PTPRN2: variants seen among roughly 807,000 people sequenced by gnomAD.
PTPRN2 encodes protein tyrosine phosphatase receptor type N2, also known as receptor-type tyrosine-protein phosphatase N2.
PTPRN2 carries 74 observed loss-of-function variants against 118.8 expected under a neutral mutation model. The ratio of observed to expected loss-of-function variants is 0.62; its 90% confidence interval spans 0.52 to 0.76. The LOEUF (loss-of-function observed/expected upper bound fraction) is 0.76. PTPRN2 is among the 30% of genes least tolerant of loss of function. The pLI, the probability that PTPRN2 is intolerant of heterozygous loss-of-function variation, is 0.00. For missense variants in PTPRN2, 1,481 were observed against 1,394.4 expected (o/e 1.06, Z -0.99); for synonymous variants, 641 against 608.0 (o/e 1.05, Z -0.80).
At chr7:158,520,221 CAG>C (rs1439984674) in intron 1 of PTPRN2, among the ~76,000 whole-genome samples, 2 of 152,188 alleles carry the variant, frequency 1.3e-5, no homozygotes, top group Non-Finnish European at 2.9e-5. Flanking sequence ...CTAAGAAAAA[CAG>C]AGTTTGGGAT....
chr7:157,583,883 AACACAC>A lies in PTPRN2; in HGVS notation c.2497-5749_2497-5744del, dbSNP rs35071475. Reference sequence around the variant, plus strand: ...GGTGACAGAGCGAGACTCTGTCTCAAACACACACACACACACACACACACACACACA... The same window carrying A: ...GGTGACAGAGCGAGACTCTGTCTCAAACACACACACACACACACACACACA... On this transcript the variant is annotated intron_variant, in intron 17 of 22. Coordinates refer to ENST00000389418, the MANE Select transcript of PTPRN2 (RefSeq NM_002847.5). The surrounding 1 kb of genome is among the most constrained non-coding windows in gnomAD (Gnocchi z 5.5). 0.17 allele frequency among the ~76,000 whole-genome samples: 22,425 copies of A among 134,028 alleles called. 1,853 individuals are homozygous for A. Among genetic ancestry groups the A allele is most frequent in the Non-Finnish European group, 0.18 (11,487 of 62,882 alleles). 87.9% of individuals were successfully genotyped at this position (134,028 alleles called of 152,430 possible). A position where few individuals can be genotyped will look rare whatever the true frequency, so the allele number is the denominator to read the frequency against.
chr7:157,646,034 A>T (rs1563296983), intron 14 of PTPRN2, among the ~76,000 whole-genome samples: 1 of 152,244 alleles, frequency 6.6e-6, no homozygotes, highest in Non-Finnish European at 1.5e-5. Context: ...CTTTCAGGGA[A>T]GAGAGTGGAG....
intron 2 of PTPRN2, among the ~76,000 whole-genome samples, chr7:158,480,294 G>C (rs1820563236): frequency 6.6e-6 from 1 of 152,122 alleles, no homozygotes; most frequent in Non-Finnish European, 1.5e-5. Flanking sequence ...TGGTGTTACT[G>C]TCATTGTTTT....
chr7:157,961,389 TG>T (rs1801523166), intron 11 of PTPRN2, among the ~76,000 whole-genome samples: 2 of 151,850 alleles, frequency 1.3e-5, no homozygotes, highest in Admixed American at 1.3e-4. Flanking sequence ...AAAAATTAGC[TG>T]GGCATGGTGG....
chr7:157,554,599 A>G (rs1157235545), intron 21 of PTPRN2, among the ~76,000 whole-genome samples: 2 of 152,214 alleles, frequency 1.3e-5, no homozygotes, highest in Non-Finnish European at 2.9e-5. Flanking sequence ...GAAAAATCCA[A>G]TTTTGCTGAC....
In PTPRN2 at chr7:158,053,583, C is replaced by T. The variant is rs116015424; in HGVS notation, c.1723+27715G>A. ...TTTCCTGGTGTGTTTTATAAACACA[C>T]GTAAAGAGGTTCAATAGGTTTAATG... On this transcript the variant is annotated intron_variant, in intron 11 of 22. Coordinates refer to ENST00000389418, the MANE Select transcript of PTPRN2 (RefSeq NM_002847.5). Among the ~76,000 whole-genome samples the T allele has an allele frequency of 7.7e-3, 1,169 of 152,174 alleles. 11 individuals carry two copies. The highest frequency in any genetic ancestry group is 0.026 in the African/African-American group (1,061 of 41,502).
intron 12 of PTPRN2, among the ~76,000 whole-genome samples, chr7:157,732,169 G>A (rs1585328749): frequency 2.1e-5 from 2 of 94,622 alleles, no homozygotes; most frequent in Non-Finnish European, 2.2e-5. Flanking sequence ...CCCGTCCCAT[G>A]CGCCCAGCAC....
At chr7:158,142,641 C>A (rs1326786085) in intron 6 of PTPRN2, among the ~76,000 whole-genome samples, 2 of 152,184 alleles carry the variant, frequency 1.3e-5, no homozygotes, top group African/African-American at 2.4e-5. Flanking sequence ...GGCCCACCAA[C>A]CCCCACACAT....
At chr7:157,558,532 A>T (rs1799020473) in intron 21 of PTPRN2, among the ~76,000 whole-genome samples, 1 of 152,270 alleles carries the variant, frequency 6.6e-6, no homozygotes, top group Non-Finnish European at 1.5e-5. Context: ...AATATTGAAC[A>T]GGTGGAGGAG....
intron 22 of PTPRN2, among the ~76,000 whole-genome samples, chr7:157,542,957 G>A (rs893954182): frequency 2.0e-5 from 3 of 152,138 alleles, no homozygotes; most frequent in Admixed American, 1.3e-4. Context: ...TGCATGCGGC[G>A]CCGGGATGTA....
intron 2 of PTPRN2, among the ~76,000 whole-genome samples, chr7:158,367,456 G>A (rs1410817310): frequency 6.6e-6 from 1 of 152,210 alleles, no homozygotes; most frequent in Non-Finnish European, 1.5e-5. Context: ...TCATGGGCAG[G>A]AGGACGCAGT....
intron 3 of PTPRN2, among the ~76,000 whole-genome samples, chr7:158,312,568 AAC>A (rs1169404011): frequency 2.0e-5 from 3 of 149,896 alleles, no homozygotes; most frequent in African/African-American, 7.4e-5. Flanking sequence ...CCACACGCAA[AAC>A]CTCCCTACTC....
chr7:157,849,223 C>T (rs146449446), intron 12 of PTPRN2, among the ~76,000 whole-genome samples: 2,582 of 152,314 alleles, frequency 0.017, 31 homozygotes, highest in Middle Eastern at 0.031. Context: ...ACTGTTCCCA[C>T]CGAAGAGGCA....
intron 3 of PTPRN2, among the ~76,000 whole-genome samples, chr7:158,312,280 ACG>A (rs1563120077): frequency 7.1e-6 from 1 of 141,416 alleles, no homozygotes. Flanking sequence ...ACATGTAGAC[ACG>A]CACACATGCA....
At chr7:158,342,699 A>G (rs1468524732) in intron 2 of PTPRN2, among the ~76,000 whole-genome samples, 1 of 152,192 alleles carries the variant, frequency 6.6e-6, no homozygotes, top group Non-Finnish European at 1.5e-5. Flanking sequence ...TCCCCATTCC[A>G]TATTCAGAAA....
intron 11 of PTPRN2, among the ~76,000 whole-genome samples, chr7:157,982,553 A>G (rs1237570859): frequency 2.6e-5 from 3 of 115,630 alleles, no homozygotes; most frequent in Admixed American, 8.5e-5. Flanking sequence ...TGCAGAGTGC[A>G]GGGTCCCCCC....
chr7:158,337,456 C>G (rs1298356459), intron 2 of PTPRN2, among the ~76,000 whole-genome samples: 3 of 146,998 alleles, frequency 2.0e-5, no homozygotes, highest in East Asian at 2.1e-4. Context: ...AGACGTCACT[C>G]AAACCCACAC....
Position 158,528,614 on chromosome 7 carries a change from G to A in PTPRN2, c.113-38829C>T, listed in dbSNP as rs559516219. Among the ~76,000 whole-genome samples the A allele has an allele frequency of 1.9e-4, 28 of 150,364 alleles. 1 individual carries two copies. Among genetic ancestry groups the A allele is most frequent in the African/African-American group, 5.7e-4 (23 of 40,676 alleles). On this transcript the variant is annotated intron_variant, in intron 1 of 22. Coordinates refer to ENST00000389418, the MANE Select transcript of PTPRN2 (RefSeq NM_002847.5). ...ATCCTGGCTAACACGGTGAAACCCC[G>A]TCTCTACTAAAAATACAAAAAAAAA...
At chr7:158,151,626 G>A (rs1378869705) in intron 6 of PTPRN2, among the ~76,000 whole-genome samples, 1 of 152,156 alleles carries the variant, frequency 6.6e-6, no homozygotes, top group Non-Finnish European at 1.5e-5. Context: ...ACAGATGAGA[G>A]CTTCAGGAGG....
Sources: gnomAD v4.1 joint callset for allele counts (sites outside exome capture counted in the v4.1 genomes callset) on GRCh38, gnomAD v4.1.1 for gene constraint, Gnocchi (gnomAD v3.1) non-coding constraint, MANE v1.5 for transcripts, NCBI Gene and HGNC (gene_info 2026-07-23, HGNC 2026-07-21) for gene names.